Variants in HS6ST3 observed in about 807,000 individuals in gnomAD.
The protein encoded by HS6ST3 is heparan-sulfate 6-O-sulfotransferase 3.
HS6ST3 carries 12 observed loss-of-function variants against 36.7 expected under a neutral mutation model. The observed-to-expected ratio is 0.33, with a 90% CI of 0.21 to 0.53. The LOEUF is 0.53. Ranked by LOEUF, HS6ST3 falls within the 20% of genes least tolerant of loss-of-function variation. HS6ST3 has a pLI of 0.95. For missense variants in HS6ST3, 584 were observed against 640.9 expected (o/e 0.91, Z 0.96); for synonymous variants, 240 against 257.5 (o/e 0.93, Z 0.65).
At chr13:96,342,141 A>C (rs1033571437) in intron 1 of HS6ST3, among the ~76,000 whole-genome samples, 1 of 152,202 alleles carries the variant, frequency 6.6e-6, no homozygotes, top group Non-Finnish European at 1.5e-5. Flanking sequence ...GATAAAAATA[A>C]TATTTAGAAC....
At chr13:96,771,121 A>T (rs1244983661) in intron 1 of HS6ST3, among the ~76,000 whole-genome samples, 1 of 152,106 alleles carries the variant, frequency 6.6e-6, no homozygotes, top group East Asian at 1.9e-4. Context: ...ATACCCAGTA[A>T]TGGGATTGCT....
At chr13:96,748,120 A>G (rs1414148081) in intron 1 of HS6ST3, among the ~76,000 whole-genome samples, 4 of 152,136 alleles carry the variant, frequency 2.6e-5, no homozygotes, top group African/African-American at 9.6e-5. Flanking sequence ...AATACTCCCC[A>G]TATGGCATGG....
chr13:96,194,426 C>T (rs1281374932), intron 1 of HS6ST3, among the ~76,000 whole-genome samples: 1 of 151,852 alleles, frequency 6.6e-6, no homozygotes, highest in Admixed American at 6.6e-5. Context: ...TCTTGGTACC[C>T]AGAAAATTCA....
chr13:96,523,986 C>G (rs1594799637), intron 1 of HS6ST3, among the ~76,000 whole-genome samples: 1 of 152,176 alleles, frequency 6.6e-6, no homozygotes, highest in Admixed American at 6.5e-5. Context: ...TTCCCCTAAT[C>G]TTTGTGGTTT....
intron 1 of HS6ST3, among the ~76,000 whole-genome samples, chr13:96,667,112 T>C (rs948110158): frequency 1.3e-5 from 2 of 152,218 alleles, no homozygotes; most frequent in African/African-American, 4.8e-5. Context: ...AGATTATACA[T>C]GGAGTAATTT....
chr13:96,547,405 G>A (rs886292140), intron 1 of HS6ST3, among the ~76,000 whole-genome samples: 2 of 152,086 alleles, frequency 1.3e-5, no homozygotes, highest in African/African-American at 4.8e-5. Context: ...TTCACTAAAT[G>A]ATGCTGAGAA....
At chr13:96,297,376 T>G (rs1170806499) in intron 1 of HS6ST3, among the ~76,000 whole-genome samples, 1 of 152,124 alleles carries the variant, frequency 6.6e-6, no homozygotes, top group African/African-American at 2.4e-5. Flanking sequence ...TCTCTGCCAC[T>G]CTTCTCAGGG....
intron 1 of HS6ST3, among the ~76,000 whole-genome samples, chr13:96,561,238 A>G (rs900385929): frequency 6.6e-5 from 10 of 152,196 alleles, no homozygotes; most frequent in African/African-American, 1.9e-4. Context: ...CTACACACCC[A>G]CAGCCATCTG....
chr13:96,494,016 A>G (rs1317934003), intron 1 of HS6ST3, among the ~76,000 whole-genome samples: 2 of 152,220 alleles, frequency 1.3e-5, no homozygotes, highest in African/African-American at 2.4e-5. Flanking sequence ...TCTTTCTACT[A>G]TGTCAATGGT....
intron 1 of HS6ST3, among the ~76,000 whole-genome samples, chr13:96,676,784 T>C (rs1378176759): frequency 2.6e-5 from 4 of 152,166 alleles, no homozygotes; most frequent in African/African-American, 9.7e-5. Context: ...TGACACCTTC[T>C]TCTCTCTTTC....
chr13:96,576,231 G>C (rs141211380), intron 1 of HS6ST3, among the ~76,000 whole-genome samples: 16 of 152,302 alleles, frequency 1.1e-4, no homozygotes, highest in African/African-American at 3.8e-4. Context: ...ATGTGCAAGG[G>C]AAATGTGATG....
At chr13:96,523,484 T>A (rs1180889002) in intron 1 of HS6ST3, among the ~76,000 whole-genome samples, 1 of 152,210 alleles carries the variant, frequency 6.6e-6, no homozygotes, top group Non-Finnish European at 1.5e-5. Context: ...CCATTCTTCC[T>A]GTCACTTTCA....
chr13:96,159,043 G>A (rs1367120066), intron 1 of HS6ST3, among the ~76,000 whole-genome samples: 3 of 152,196 alleles, frequency 2.0e-5, no homozygotes, highest in Non-Finnish European at 4.4e-5. Context: ...TGATAGAGAA[G>A]ACCCCCTGAA....
rs143697160 is a variant in HS6ST3 at position 96,831,642 on chromosome 13, C to T, written c.708-848C>T. ...TCCTCAACCAACCTACCTCATAATC[C>T]CAAGTAGCAGTATAAAGAGATTAAG... On this transcript the variant is annotated intron_variant, in intron 1 of 1. Transcript: ENST00000376705. Among the ~76,000 whole-genome samples, 1,298 of 152,124 alleles carry T rather than the reference C, an allele frequency of 8.5e-3. 59 individuals carry two copies. Among genetic ancestry groups the T allele is most frequent in the Admixed American group, 0.074 (1,130 of 15,274 alleles).
intron 1 of HS6ST3, among the ~76,000 whole-genome samples, chr13:96,756,790 A>G (rs1384022984): frequency 1.3e-5 from 2 of 152,204 alleles, no homozygotes; most frequent in Non-Finnish European, 1.5e-5. Flanking sequence ...TGCTTGCTGC[A>G]TATCTATCTA....
intron 1 of HS6ST3, among the ~76,000 whole-genome samples, chr13:96,738,208 C>G (rs1876334891): frequency 1.3e-5 from 2 of 152,198 alleles, no homozygotes; most frequent in Admixed American, 1.3e-4. Flanking sequence ...AATAGGCATT[C>G]TCAGACGTTA....
intron 1 of HS6ST3, among the ~76,000 whole-genome samples, chr13:96,272,289 T>C (rs985472270): frequency 2.0e-5 from 3 of 152,020 alleles, no homozygotes; most frequent in African/African-American, 7.3e-5. Flanking sequence ...TAAAAAGCCA[T>C]TTCACTCACG....
At chr13:96,138,531 C>T (rs189683729) in intron 1 of HS6ST3, among the ~76,000 whole-genome samples, 2 of 151,140 alleles carry the variant, frequency 1.3e-5, no homozygotes, top group East Asian at 3.9e-4. Context: ...ATGTTTGTAC[C>T]ATAAAACCGT....
chr13:96,284,922 T>C (rs555786543), intron 1 of HS6ST3, among the ~76,000 whole-genome samples: 1 of 99,952 alleles, frequency 1.0e-5, no homozygotes, highest in Non-Finnish European at 2.1e-5. Flanking sequence ...TTTCTTTCTT[T>C]CTTTCTTTCT....
Sources: gnomAD v4.1 joint callset for allele counts (sites outside exome capture counted in the v4.1 genomes callset) on GRCh38, gnomAD v4.1.1 for gene constraint, MANE v1.5 for transcripts, NCBI Gene and HGNC (gene_info 2026-07-23, HGNC 2026-07-21) for gene names.